DRC11: variants seen among roughly 807,000 people sequenced by gnomAD.
DRC11 encodes IQ and AAA domain-containing protein 1.
At chr2:236,497,087 T>C in the DRC11 span, 1 of 1,127,290 alleles carries the variant, frequency 8.9e-7, no homozygotes, top group Non-Finnish European at 1.3e-6. This position sits in a 1 kb window ranked among gnomAD's most constrained non-coding sequence, Gnocchi z 5.1. Flanking sequence ...CTGTAGAGTA[T>C]CGTGTACAGA....
the DRC11 span, among the ~76,000 whole-genome samples, chr2:236,318,697 G>A: frequency 6.6e-6 from 1 of 152,134 alleles, no homozygotes; most frequent in Non-Finnish European, 1.5e-5. This position sits in a 1 kb window ranked among gnomAD's most constrained non-coding sequence, Gnocchi z 7.0. Context: ...CACGTGCATA[G>A]TGTGTGGTAT....
the DRC11 span, among the ~76,000 whole-genome samples, chr2:236,452,336 C>CTCACATT: frequency 2.6e-5 from 4 of 151,582 alleles, no homozygotes; most frequent in Admixed American, 2.6e-4. This position sits in a 1 kb window ranked among gnomAD's most constrained non-coding sequence, Gnocchi z 4.7. Context: ...TTCAACGGGC[C>CTCACATT]TCACATTTCA....
the DRC11 span, among the ~76,000 whole-genome samples, chr2:236,308,528 T>C: frequency 2.0e-5 from 3 of 152,376 alleles, no homozygotes; most frequent in South Asian, 6.2e-4. This position sits in a 1 kb window ranked among gnomAD's most constrained non-coding sequence, Gnocchi z 6.0. Context: ...CTGTGGCAGC[T>C]CACGCTAGCG....
the DRC11 span, among the ~76,000 whole-genome samples, chr2:236,364,968 C>G: frequency 6.6e-6 from 1 of 152,158 alleles, no homozygotes; most frequent in Non-Finnish European, 1.5e-5. Flanking sequence ...TACCACGTAA[C>G]TCAATGAGCA....
chr2:236,328,970 G>C, the DRC11 span, among the ~76,000 whole-genome samples: 1 of 152,214 alleles, frequency 6.6e-6, no homozygotes, highest in Non-Finnish European at 1.5e-5. The surrounding 1 kb of genome is among the most constrained non-coding windows in gnomAD (Gnocchi z 6.7). Flanking sequence ...CTGCAGTGCT[G>C]TGTCCCTTTC....
At chr2:236,435,927 G>A in the DRC11 span, among the ~76,000 whole-genome samples, 2 of 152,100 alleles carry the variant, frequency 1.3e-5, no homozygotes, top group Non-Finnish European at 2.9e-5. Flanking sequence ...ATTCCTCAAA[G>A]AGCATTTATG....
At chr2:236,411,511 A>G in the DRC11 span, among the ~76,000 whole-genome samples, 3 of 152,080 alleles carry the variant, frequency 2.0e-5, no homozygotes, top group Non-Finnish European at 4.4e-5. Flanking sequence ...ATCTAGAACT[A>G]GAAATACCAT....
At chr2:236,359,424 C>T in the DRC11 span, among the ~76,000 whole-genome samples, 1 of 152,130 alleles carries the variant, frequency 6.6e-6, no homozygotes, top group Non-Finnish European at 1.5e-5. The surrounding 1 kb of genome is among the most constrained non-coding windows in gnomAD (Gnocchi z 4.3). Flanking sequence ...CGTGCTTCCA[C>T]GGTGCTGTGA....
chr2:236,382,560 A>C, the DRC11 span, among the ~76,000 whole-genome samples: 2 of 152,156 alleles, frequency 1.3e-5, no homozygotes, highest in African/African-American at 4.8e-5. Context: ...TACTATGTTG[A>C]GTCTTCCAAT....
chr2:236,342,454 G>A, the DRC11 span, among the ~76,000 whole-genome samples: 7 of 152,182 alleles, frequency 4.6e-5, no homozygotes, highest in African/African-American at 1.7e-4. This position sits in a 1 kb window ranked among gnomAD's most constrained non-coding sequence, Gnocchi z 5.8. Flanking sequence ...GGCCACCTGG[G>A]GCCCTGGTGG....
At chr2:236,361,697 T>C in the DRC11 span, among the ~76,000 whole-genome samples, 1 of 151,538 alleles carries the variant, frequency 6.6e-6, no homozygotes, top group Non-Finnish European at 1.5e-5. This position sits in a 1 kb window ranked among gnomAD's most constrained non-coding sequence, Gnocchi z 5.7. Flanking sequence ...AAAAGAGAAG[T>C]TGAATGAAAG....
chr2:236,496,526 C>T, the DRC11 span, among the ~76,000 whole-genome samples: 3 of 152,130 alleles, frequency 2.0e-5, no homozygotes, highest in East Asian at 1.9e-4. The surrounding 1 kb of genome is among the most constrained non-coding windows in gnomAD (Gnocchi z 6.3). Flanking sequence ...TCGGCAGGAA[C>T]GTCGGAGGGC....
the DRC11 span, among the ~76,000 whole-genome samples, chr2:236,474,607 T>G: frequency 2.0e-5 from 3 of 152,158 alleles, no homozygotes; most frequent in African/African-American, 7.2e-5. Context: ...TCTTTTGACT[T>G]CTAATTTAAT....
At chr2:236,419,318 A>C in the DRC11 span, 1 of 1,509,072 alleles carries the variant, frequency 6.6e-7, no homozygotes, top group Non-Finnish European at 8.8e-7. This position sits in a 1 kb window ranked among gnomAD's most constrained non-coding sequence, Gnocchi z 4.8. Context: ...ATCCCTATCA[A>C]GAGAAGGACT....
the DRC11 span, among the ~76,000 whole-genome samples, chr2:236,357,832 T>C: frequency 1.0e-5 from 1 of 100,316 alleles, no homozygotes; most frequent in Non-Finnish European, 2.1e-5. Flanking sequence ...ATACATATAC[T>C]ATATAAATAT....
the DRC11 span, among the ~76,000 whole-genome samples, chr2:236,413,927 G>T: frequency 1.3e-5 from 2 of 152,194 alleles, no homozygotes; most frequent in East Asian, 1.9e-4. This position sits in a 1 kb window ranked among gnomAD's most constrained non-coding sequence, Gnocchi z 4.0. Flanking sequence ...AGACAAAGGC[G>T]ATTACTTTGG....
At chr2:236,336,992 C>T in the DRC11 span, among the ~76,000 whole-genome samples, 1 of 152,174 alleles carries the variant, frequency 6.6e-6, no homozygotes, top group Non-Finnish European at 1.5e-5. This position sits in a 1 kb window ranked among gnomAD's most constrained non-coding sequence, Gnocchi z 7.3. Flanking sequence ...TGAGATAACC[C>T]GTCGTGGGAC....
the DRC11 span, among the ~76,000 whole-genome samples, chr2:236,367,037 CT>C: frequency 5.5e-3 from 792 of 144,060 alleles, 11 homozygotes; most frequent in African/African-American, 0.019. This position sits in a 1 kb window ranked among gnomAD's most constrained non-coding sequence, Gnocchi z 4.8. Flanking sequence ...GGCCAGGCTG[CT>C]CTCGAACTCG....
the DRC11 span, among the ~76,000 whole-genome samples, chr2:236,411,110 A>G: frequency 6.8e-6 from 1 of 146,660 alleles, no homozygotes; most frequent in Non-Finnish European, 1.5e-5. Flanking sequence ...TGAACAGGCA[A>G]CCTACAAAAT....
Sources: gnomAD v4.1 joint callset for allele counts (sites outside exome capture counted in the v4.1 genomes callset) on GRCh38, gnomAD v4.1.1 for gene constraint, Gnocchi (gnomAD v3.1) non-coding constraint, MANE v1.5 for transcripts, NCBI Gene and HGNC (gene_info 2026-07-23, HGNC 2026-07-21) for gene names.